ZFPM2: variants seen among roughly 807,000 people sequenced by gnomAD.
ZFPM2 encodes the protein zinc finger protein, FOG family member 2.
In ZFPM2, 20 loss-of-function variants were observed where a neutral mutation model predicts 98.6. The observed-to-expected ratio is 0.20, with a 90% CI of 0.14 to 0.29. ZFPM2 has a LOEUF of 0.29. Ranked by LOEUF, ZFPM2 falls within the 10% of genes least tolerant of loss-of-function variation. The pLI, the probability that ZFPM2 is intolerant of heterozygous loss-of-function variation, is 1.00. For missense variants in ZFPM2, 1,310 were observed against 1,388.6 expected, an observed-to-expected ratio of 0.94 and a Z score of 0.90; for synonymous variants, 518 against 502.7, an observed-to-expected ratio of 1.03 and a Z score of -0.41.
intron 6 of ZFPM2, among the ~76,000 whole-genome samples, chr8:105,795,270 G>GTGTGTGTA (rs1348423526): frequency 3.2e-4 from 48 of 151,370 alleles, no homozygotes; most frequent in African/African-American, 1.1e-3. Flanking sequence ...GTGTGTGTGT[G>GTGTGTGTA]TGTGTGTGTG....
chr8:105,609,867 T>C lies in ZFPM2; in HGVS notation c.421-24379T>C, dbSNP rs74906498. On this transcript the variant is annotated intron_variant, in intron 4 of 7. Transcript: ENST00000407775. ...TATTTATTGAATGGAAATCCTTTAA[T>C]GTTGTCAAGGATTTCACCAAACTAA... is the stretch of plus-strand genomic sequence containing the variant. Among the ~76,000 whole-genome samples, 1,163 of 152,284 alleles carry C rather than the reference T, an allele frequency of 7.6e-3. 10 individuals carry two copies. Among genetic ancestry groups the C allele is most frequent in the African/African-American group, 0.026 (1,084 of 41,556 alleles).
chr8:105,402,816 G>A (rs1166215820), intron 1 of ZFPM2, among the ~76,000 whole-genome samples: 1 of 151,932 alleles, frequency 6.6e-6, no homozygotes, highest in African/African-American at 2.4e-5. Flanking sequence ...ATTTATCACT[G>A]TTGAGAGAAC....
At chr8:105,514,175 G>T (rs560402992) in intron 3 of ZFPM2, among the ~76,000 whole-genome samples, 1 of 151,776 alleles carries the variant, frequency 6.6e-6, no homozygotes, top group African/African-American at 2.4e-5. Context: ...TCTAAATTTT[G>T]TATTTTTAGT....
In ZFPM2 at chr8:105,518,988, T is replaced by C. The variant is rs1693805162; in HGVS notation, c.302-42375T>C. On this transcript the variant is annotated intron_variant, in intron 3 of 7. Coordinates refer to ENST00000407775, the MANE Select transcript of ZFPM2 (RefSeq NM_012082.4). Reference sequence around the variant, plus strand: ...TTGCTTTAGGATTTGGAGACAAAAATAATAAATATAGCCAACATATATTTG... The same window carrying C: ...TTGCTTTAGGATTTGGAGACAAAAACAATAAATATAGCCAACATATATTTG... 2.6e-5 allele frequency among the ~76,000 whole-genome samples: 4 copies of C among 152,176 alleles called. No individual in the cohort carries two copies. In the South Asian group the frequency reaches 8.3e-4, roughly 31 times the overall value.
intron 1 of ZFPM2, among the ~76,000 whole-genome samples, chr8:105,345,838 C>G (rs1812512993): frequency 6.6e-6 from 1 of 152,044 alleles, no homozygotes; most frequent in Non-Finnish European, 1.5e-5. Flanking sequence ...TTTTGTGATT[C>G]CATTTTTTTC....
At chr8:105,541,999 T>C (rs184823362) in intron 3 of ZFPM2, among the ~76,000 whole-genome samples, 1 of 152,228 alleles carries the variant, frequency 6.6e-6, no homozygotes. Flanking sequence ...AGTCTTTGTA[T>C]ATATGGGAAA....
At chr8:105,525,958 T>A (rs113489324) in intron 3 of ZFPM2, among the ~76,000 whole-genome samples, 44 of 152,152 alleles carry the variant, frequency 2.9e-4, no homozygotes, top group African/African-American at 1.0e-3. Context: ...CTGGCCTAAG[T>A]GCTCAAATAA....
In ZFPM2 at chr8:105,801,341, T is replaced by G. The variant is rs1814003378; in HGVS notation, c.1259T>G (p.Leu420Arg). The G allele has an allele frequency of 1.2e-6, 2 of 1,613,912 alleles. No homozygotes were observed. Among genetic ancestry groups the G allele is most frequent in the Non-Finnish European group, 1.7e-6 (2 of 1,179,874 alleles). ...ACAGACTTATTGACCAGAAGCGAAC[T>G]TCCCCAGAGCCAAAAGGCCATGCAG... ...PATDLLTRSE[L>R]PQSQKAMQTK... Residue 420 changes from leucine (L) to arginine (R), a missense_variant, in exon 8 of 8, where the codon CTT becomes CGT. Leu to Arg is a moderately radical substitution (Grantham distance 102). Coordinates refer to ENST00000407775, the MANE Select transcript of ZFPM2 (RefSeq NM_012082.4).
chr8:105,522,436 G>A (rs946153322), intron 3 of ZFPM2, among the ~76,000 whole-genome samples: 8 of 152,142 alleles, frequency 5.3e-5, no homozygotes, highest in African/African-American at 1.9e-4. Context: ...TTATAAATCA[G>A]CAGAGTTTGT....
At chr8:105,412,479 T>C (rs535560102) in intron 1 of ZFPM2, among the ~76,000 whole-genome samples, 2 of 151,730 alleles carry the variant, frequency 1.3e-5, no homozygotes, top group African/African-American at 4.8e-5. Flanking sequence ...GGAAAGAAAT[T>C]AATCAAAAAG....
intron 3 of ZFPM2, among the ~76,000 whole-genome samples, chr8:105,491,096 G>A (rs575172070): frequency 1.4e-4 from 21 of 152,018 alleles, no homozygotes; most frequent in Middle Eastern, 3.4e-3. Flanking sequence ...TTTATATTTG[G>A]ATGGCATGTA....
chr8:105,448,733 A>G (rs754830041), intron 3 of ZFPM2, among the ~76,000 whole-genome samples: 6 of 152,058 alleles, frequency 3.9e-5, no homozygotes, highest in African/African-American at 7.2e-5. Flanking sequence ...GAATAATAAT[A>G]GCTTGAAATA....
At chr8:105,735,548 T>C (rs183359601) in intron 5 of ZFPM2, among the ~76,000 whole-genome samples, 24 of 152,058 alleles carry the variant, frequency 1.6e-4, no homozygotes, top group Non-Finnish European at 2.8e-4. Flanking sequence ...GATCATGAGA[T>C]TCCCTGTGTA....
At chr8:105,673,187 C>CTTTTTTTTTTT (rs5893754) in intron 5 of ZFPM2, among the ~76,000 whole-genome samples, 7 of 87,522 alleles carry the variant, frequency 8.0e-5, no homozygotes, top group African/African-American at 3.4e-4. Context: ...AAATAGCATG[C>CTTTTTTTTTTT]TTTTTTTTTT....
intron 4 of ZFPM2, among the ~76,000 whole-genome samples, chr8:105,585,494 G>T (rs28456977): frequency 1.3e-5 from 2 of 152,126 alleles, no homozygotes; most frequent in Non-Finnish European, 1.5e-5. Context: ...GTAATTTTAT[G>T]TGTTTTGTTT....
intron 5 of ZFPM2, among the ~76,000 whole-genome samples, chr8:105,698,643 C>T (rs763731007): frequency 1.4e-4 from 22 of 151,922 alleles, no homozygotes; most frequent in Non-Finnish European, 2.4e-4. Context: ...AGCTTTTAGA[C>T]GAACAAAGTT....
chr8:105,744,538 T>C (rs1300940584), intron 5 of ZFPM2, among the ~76,000 whole-genome samples: 3 of 152,052 alleles, frequency 2.0e-5, no homozygotes, highest in Non-Finnish European at 4.4e-5. Context: ...AATCACAAAC[T>C]GAAAAAGGTC....
At chr8:105,373,180 A>G (rs985751873) in intron 1 of ZFPM2, among the ~76,000 whole-genome samples, 3 of 152,200 alleles carry the variant, frequency 2.0e-5, no homozygotes, top group African/African-American at 7.2e-5. Context: ...TTTTCTTATC[A>G]GCATTAGATG....
chr8:105,762,463 CTCTCAAACCT>C (rs1230507598), intron 5 of ZFPM2, among the ~76,000 whole-genome samples: 4 of 151,962 alleles, frequency 2.6e-5, no homozygotes, highest in Admixed American at 2.6e-4. Context: ...GCTATCTGTC[CTCTCAAACCT>C]TCATTTTGGT....
Sources: allele counts gnomAD v4.1 joint callset (sites outside exome capture counted in the v4.1 genomes callset), GRCh38; gene constraint gnomAD v4.1.1; transcripts MANE v1.5; gene names NCBI Gene and HGNC (gene_info 2026-07-23, HGNC 2026-07-21).